The following ADCY7 variants were observed in gnomAD, a reference collection of about 807,000 sequenced individuals.
The protein encoded by ADCY7 is adenylate cyclase type 7.
Under a neutral mutation model 120.6 loss-of-function variants are expected in ADCY7, and 72 were observed. The observed-to-expected ratio is 0.60, with a 90% CI of 0.49 to 0.73. The LOEUF is 0.73. ADCY7 is among the 30% of genes least tolerant of loss of function. The probability of loss-of-function intolerance (pLI) is 0.00; values close to 1 mark genes in which losing one functional copy is unlikely to be tolerated. For synonymous variants in ADCY7, 661 were observed against 628.0 expected, an observed-to-expected ratio of 1.05 and a Z score of -0.78; for missense variants, 1,227 against 1,486.0, an observed-to-expected ratio of 0.83 and a Z score of 2.87.
At chr16:50,290,734 C>T in intron 3 of ADCY7, 74 bp downstream of exon 3, 5 of 1,513,976 alleles carry the variant, frequency 3.3e-6, no homozygotes, top group Non-Finnish European at 4.5e-6. Flanking sequence ...GGGCATGCCA[C>T]AGGCCCTTCG....
chr16:50,288,425 T>C, intron 2 of ADCY7, 75 bp downstream of exon 2: 1 of 1,367,404 alleles, frequency 7.3e-7, no homozygotes, highest in Non-Finnish European at 9.7e-7. Flanking sequence ...CTTAGCCTCT[T>C]CTGTAAAATG....
intron 1 of ADCY7, among the ~76,000 whole-genome samples, chr16:50,279,018 C>T (rs1388316207): frequency 2.0e-5 from 3 of 152,106 alleles, no homozygotes; most frequent in South Asian, 2.1e-4. Context: ...ACTATAGGCA[C>T]GCACCACCAC....
chr16:50,306,424 G>A (rs60775810), intron 14 of ADCY7, among the ~76,000 whole-genome samples: 422 of 152,302 alleles, frequency 2.8e-3, no homozygotes, highest in African/African-American at 9.8e-3. Flanking sequence ...CTGAGTTGGG[G>A]GCTTCCTAGG....
In ADCY7 at chr16:50,316,809, G is replaced by C. The variant is rs1009006264; in HGVS notation, c.*1304G>C. On this transcript the variant is annotated 3_prime_UTR_variant, in exon 26 of 26. Transcript: ENST00000673801. ...TTTTTCTGAATGGACTTCATAACCG[G>C]AAGACTTAACCGGTGGCCTCATCAC... 2.0e-5 allele frequency: 3 copies of C among 152,326 alleles called. No homozygotes were observed. Among genetic ancestry groups the C allele is most frequent in the African/African-American group, 4.8e-5 (2 of 41,442 alleles). 9.4% of individuals were successfully genotyped at this position (152,326 alleles called of 1,614,324 possible). A position where few individuals can be genotyped will look rare whatever the true frequency, so the allele number is the denominator to read the frequency against.
chr16:50,270,383 C>T (rs150441808), intron 1 of ADCY7, among the ~76,000 whole-genome samples: 13 of 152,324 alleles, frequency 8.5e-5, no homozygotes, highest in African/African-American at 3.1e-4. Flanking sequence ...GTGCTCTGGT[C>T]CGGCGGCACG....
chr16:50,305,069 C>A, intron 12 of ADCY7, 110 bp downstream of exon 12: 1 of 1,417,906 alleles, frequency 7.1e-7, no homozygotes, highest in Non-Finnish European at 9.8e-7. Flanking sequence ...AGCCCAGGAC[C>A]TCTGTGAAGT....
In ADCY7 at chr16:50,300,774, A is replaced by G. The variant is rs1054346511; in HGVS notation, c.1136A>G (p.Asn379Ser). The change falls in exon 9 of 26, where the codon AAT becomes AGT. Residue 379 changes from asparagine to serine, a missense_variant. Coordinates refer to ENST00000673801, the MANE Select transcript of ADCY7 (RefSeq NM_001114.5). ...ATGCGTGTGGGCATACACTCGGGGA[A>G]TGTGCTGTGCGGGGTCATCGGGCTG... Reference protein sequence around the residue: ...INMRVGIHSGNVLCGVIGLRK... With the variant: ...INMRVGIHSGSVLCGVIGLRK... 1.0e-5 allele frequency: 16 copies of G among 1,553,060 alleles called. No homozygotes were observed. The highest frequency in any genetic ancestry group is 1.4e-5 in the Non-Finnish European group (16 of 1,147,852).
At chr16:50,277,949 C>T (rs1004345175) in intron 1 of ADCY7, among the ~76,000 whole-genome samples, 11 of 152,022 alleles carry the variant, frequency 7.2e-5, no homozygotes, top group African/African-American at 2.4e-4. Context: ...GGATTACAGG[C>T]TTGAGCCACT....
intron 19 of ADCY7, 111 bp from the exon 20 acceptor site, chr16:50,311,582 T>A: frequency 2.0e-5 from 12 of 607,884 alleles, no homozygotes; most frequent in East Asian, 7.7e-5. Context: ...ACCCACCCCA[T>A]TAGAATCAAT....
At chr16:50,275,216 C>G (rs1211470140) in intron 1 of ADCY7, among the ~76,000 whole-genome samples, 1 of 152,226 alleles carries the variant, frequency 6.6e-6, no homozygotes, top group East Asian at 1.9e-4. Context: ...AGGCTAAGCT[C>G]AGGGTAGGTG....
At chr16:50,299,980 T>TG (rs991391105) in intron 8 of ADCY7, among the ~76,000 whole-genome samples, 6 of 152,098 alleles carry the variant, frequency 3.9e-5, no homozygotes, top group African/African-American at 7.2e-5. Context: ...TCCCAGGGAT[T>TG]GGGGGGGCAT....
Position 50,291,815 on chromosome 16 carries a change from C to T in ADCY7, c.455C>T (p.Ala152Val), listed in dbSNP as rs369390223. 2 of 1,613,976 alleles carry T rather than the reference C, an allele frequency of 1.2e-6. No individual in the cohort carries two copies. The highest frequency in any genetic ancestry group is 1.7e-6 in the Non-Finnish European group (2 of 1,179,984). Residue 152 changes from alanine (A) to valine (V), a missense_variant, in exon 4 of 26, where the codon GCC (alanine) becomes GTC (valine). Ala to Val is a moderately conservative substitution (Grantham distance 64, BLOSUM62 0). Around this residue, in one of 5 missense-constraint regions of ADCY7, gnomAD observed 382 missense variants for 411.4 expected, o/e 0.93. Transcript: ENST00000673801. ...FSMRGAVAVGAVSTASHLLVL... is the reference protein window; with the variant it reads ...FSMRGAVAVGVVSTASHLLVL... ...ATGCGGGGCGCTGTCGCCGTTGGGG[C>T]CGTCTCCACTGCCTCCCACCTCCTG...
chr16:50,248,246 T>G (rs1270979678), intron 1 of ADCY7, among the ~76,000 whole-genome samples: 1 of 152,150 alleles, frequency 6.6e-6, no homozygotes, highest in Non-Finnish European at 1.5e-5. Context: ...CCTCTTCCTG[T>G]TCGTACCCCA....
At chr16:50,268,345 T>G (rs2150823123) in intron 1 of ADCY7, among the ~76,000 whole-genome samples, 1 of 152,202 alleles carries the variant, frequency 6.6e-6, no homozygotes, top group Admixed American at 6.5e-5. Context: ...CCTCAAATGA[T>G]CCATCCACCT....
At chr16:50,253,704 C>T (rs1340514103) in intron 1 of ADCY7, among the ~76,000 whole-genome samples, 7 of 151,912 alleles carry the variant, frequency 4.6e-5, no homozygotes, top group East Asian at 1.9e-4. Flanking sequence ...GGAGGGGCTC[C>T]GGGGGGAGGG....
intron 24 of ADCY7, 140 bp from the exon 25 acceptor site, chr16:50,314,874 C>G (rs746244304): frequency 4.0e-5 from 49 of 1,214,420 alleles, no homozygotes; most frequent in Non-Finnish European, 5.3e-5. Context: ...AACGCAGTGA[C>G]TCTGGGAAGC....
chr16:50,309,794 A>G (rs2036331741), intron 18 of ADCY7, 148 bp downstream of exon 18: 1 of 746,614 alleles, frequency 1.3e-6, no homozygotes, highest in South Asian at 1.9e-5. Flanking sequence ...AGAGCTGGGA[A>G]AGCAGGGTCC....
intron 22 of ADCY7, 69 bp from the exon 23 acceptor site, chr16:50,313,889 G>C: frequency 2.2e-6 from 3 of 1,359,426 alleles, no homozygotes; most frequent in Non-Finnish European, 3.1e-6. Flanking sequence ...CACCCTTCCT[G>C]AGAAGCAGGG....
intron 21 of ADCY7, 86 bp downstream of exon 21, chr16:50,312,277 A>C: frequency 1.3e-6 from 2 of 1,499,516 alleles, no homozygotes; most frequent in South Asian, 1.2e-5. Flanking sequence ...GCTGGAGTGC[A>C]TGCTGAGCTT....
Sources: gnomAD v4.1 joint callset for allele counts (sites outside exome capture counted in the v4.1 genomes callset) on GRCh38, gnomAD v4.1.1 for gene constraint, gnomAD v4.1.1 regional missense constraint, MANE v1.5 for transcripts, NCBI Gene and HGNC (gene_info 2026-07-23, HGNC 2026-07-21) for gene names.